The following DOHH variants were observed in gnomAD, a reference collection of about 807,000 sequenced individuals.
The protein encoded by DOHH is deoxyhypusine hydroxylase, also known as HEAT-like (PBS lyase) repeat containing 1.
A neutral mutation model predicts 19.9 loss-of-function variants in DOHH; 16 were observed. The observed-to-expected ratio is 0.80, with a 90% CI of 0.54 to 1.22. The LOEUF is 1.22. Ranked by LOEUF, DOHH falls within the 50% of genes most tolerant of loss-of-function variation. DOHH has a pLI of 0.00. For synonymous variants in DOHH, 233 were observed against 217.0 expected (o/e 1.07, Z -0.65); for missense variants, 460 against 460.6 (o/e 1.00, Z 0.01).
intron 1 of DOHH, among the ~76,000 whole-genome samples, chr19:3,498,578 T>A (rs1188294769): frequency 6.6e-6 from 1 of 152,104 alleles, no homozygotes. Context: ...GCTAATTTTG[T>A]ATTTTTAGTA....
At position 3,492,374 on chromosome 19, in the gene DOHH, C is replaced by A. The variant is rs373704209; in HGVS notation, c.477G>T (p.Gly159=). The part of the protein sequence containing the change: ...PAPPAEERDV[G]RLREALLDES... ...CATCCAGCAGCGCCTCCCGCAGGCGCCCCACGTCACGCTCCTCAGCCGGCG... is the reference window on the plus strand; with the variant it reads ...CATCCAGCAGCGCCTCCCGCAGGCGACCCACGTCACGCTCCTCAGCCGGCG... The change falls in exon 4 of 5, where the codon GGG becomes GGT. Residue 159 remains glycine (G), a synonymous_variant. Transcript: ENST00000427575. 7.2e-4 allele frequency: 1,109 copies of A among 1,539,048 alleles called. 2 individuals carry two copies. Among genetic ancestry groups the A allele is most frequent in the Middle Eastern group, 4.7e-3 (26 of 5,580 alleles).
At position 3,496,382 on chromosome 19, in the gene DOHH, C is replaced by T. The variant is rs1018876363; in HGVS notation, c.274+159G>A. On this transcript the variant is annotated intron_variant, in intron 2 of 4. Transcript: ENST00000427575. This position sits in a 1 kb window ranked among gnomAD's most constrained non-coding sequence, Gnocchi z 4.8. ...ATGACCTGCGCTGGCTTTATTGAGT[C>T]GCTGTCTGGCTGCAGAGCTGCAGGT... 6.6e-6 allele frequency among the ~76,000 whole-genome samples: 1 copy of T among 152,180 alleles called. No homozygotes were observed. Among genetic ancestry groups the T allele is most frequent in the Non-Finnish European group, 1.5e-5 (1 of 68,040 alleles).
Position 3,494,294 on chromosome 19 carries a change from G to C in DOHH, c.275-190C>G, listed in dbSNP as rs183784740. 5.3e-5 allele frequency among the ~76,000 whole-genome samples: 8 copies of C among 152,300 alleles called. No homozygotes were observed. In the East Asian group the frequency reaches 1.2e-3, roughly 22 times the overall value. On this transcript the variant is annotated intron_variant, in intron 2 of 4. Transcript: ENST00000427575. Reference sequence around the variant, plus strand: ...TGGACCAATCAGCATCCCCTCCCCAGAGCAAGGCACTGCCTGGAACCGCAC... The same window carrying C: ...TGGACCAATCAGCATCCCCTCCCCACAGCAAGGCACTGCCTGGAACCGCAC...
rs1201730288 is a variant in DOHH, at chr19:3,496,978, C to T, written c.-72-92G>A. 1.4e-5 allele frequency: 12 copies of T among 832,184 alleles called. No individual in the cohort carries two copies. Among genetic ancestry groups the T allele is most frequent in the Non-Finnish European group, 2.0e-5 (12 of 607,286 alleles). 51.5% of individuals were successfully genotyped at this position (832,184 alleles called of 1,614,324 possible). A position where few individuals can be genotyped will look rare whatever the true frequency, so the allele number is the denominator to read the frequency against. ...CCTGGGTGGGGCAAATTCCTACCCACTGACCAACCTGAGCATCTACGCTGA... is the reference window on the plus strand; with the variant it reads ...CCTGGGTGGGGCAAATTCCTACCCATTGACCAACCTGAGCATCTACGCTGA... On this transcript the variant is annotated intron_variant, in intron 1 of 4. Coordinates refer to ENST00000427575, the MANE Select transcript of DOHH (RefSeq NM_001145165.2). The surrounding 1 kb of genome is among the most constrained non-coding windows in gnomAD (Gnocchi z 4.8).
chr19:3,494,836 C>T (rs1254814367), intron 2 of DOHH, among the ~76,000 whole-genome samples: 1 of 152,258 alleles, frequency 6.6e-6, no homozygotes, highest in African/African-American at 2.4e-5. Context: ...TGCGCCAACA[C>T]AGGCTCTGTG....
intron 1 of DOHH, among the ~76,000 whole-genome samples, chr19:3,499,839 A>G (rs1033121011): frequency 1.3e-5 from 2 of 152,192 alleles, no homozygotes; most frequent in East Asian, 3.8e-4. Context: ...AGCATTTGCT[A>G]CGCGCCAGGC....
chr19:3,493,265 G>A (rs1030557784), intron 3 of DOHH, among the ~76,000 whole-genome samples: 1 of 152,348 alleles, frequency 6.6e-6, no homozygotes, highest in South Asian at 2.1e-4. Flanking sequence ...CAGCCTGGGC[G>A]ACAGAGCGGG....
chr19:3,495,904 G>T (rs770458077), intron 2 of DOHH, among the ~76,000 whole-genome samples: 4 of 152,170 alleles, frequency 2.6e-5, no homozygotes, highest in African/African-American at 9.7e-5. Flanking sequence ...GTGAGACTCT[G>T]ACTCAAAACA....
intron 1 of DOHH, among the ~76,000 whole-genome samples, chr19:3,497,439 CA>C (rs1403299191): frequency 6.6e-6 from 1 of 152,164 alleles, no homozygotes; most frequent in African/African-American, 2.4e-5. Flanking sequence ...GCCCTCCCAC[CA>C]ACAGCCATGT....
At chr19:3,495,359 C>T (rs948715881) in intron 2 of DOHH, among the ~76,000 whole-genome samples, 9 of 152,192 alleles carry the variant, frequency 5.9e-5, no homozygotes, top group African/African-American at 1.9e-4. Flanking sequence ...TAACTGCAGC[C>T]TCAACCTCCC....
intron 2 of DOHH, among the ~76,000 whole-genome samples, chr19:3,494,460 T>C (rs889211686): frequency 1.3e-5 from 2 of 152,050 alleles, no homozygotes; most frequent in African/African-American, 4.8e-5. Context: ...TGAGCTATGA[T>C]CACACCACTG....
intron 2 of DOHH, among the ~76,000 whole-genome samples, chr19:3,495,676 G>A (rs1378563683): frequency 6.6e-6 from 1 of 152,136 alleles, no homozygotes; most frequent in South Asian, 2.1e-4. Flanking sequence ...TTGGGAGGCC[G>A]AGGCAGGTGG....
In DOHH at chr19:3,492,285, T is replaced by C; in HGVS notation, c.566A>G (p.Glu189Gly). 2 of 1,499,636 alleles carry C rather than the reference T, an allele frequency of 1.3e-6. No individual in the cohort carries two copies. Among genetic ancestry groups the C allele is most frequent in the Admixed American group, 2.2e-5 (1 of 44,952 alleles). The allele number at this position is 1,499,636 out of a possible 1,614,324, so 92.9% of individuals were successfully genotyped here. A position where few individuals can be genotyped will look rare whatever the true frequency, so the allele number is the denominator to read the frequency against. The change falls in exon 4 of 5, where the codon GAG (glutamate) becomes GGG (glycine). Residue 189 changes from glutamate (E) to glycine (G), a missense_variant. By Grantham distance (98) the Glu-to-Gly change is moderately conservative. Transcript: ENST00000427575. ...MFALRNAGGE[E>G]AALALAEGLH... is the part of the protein sequence containing the mutation. ...ACCCTCGGCCAGCGCCAGGGCGGCCTCCTCGCCTCCCGCGTTGCGCAGGGC... is the reference window on the plus strand; with the variant it reads ...ACCCTCGGCCAGCGCCAGGGCGGCCCCCTCGCCTCCCGCGTTGCGCAGGGC...
Position 3,492,454 on chromosome 19 carries a change from G to T in DOHH, c.397C>A (p.Gln133Lys). ...GCCGCCGGCTCCCCGCCGTGCTGCT[G>T]CAGCCACTCCAGCCTGCGCACGGCC... ...QLAVRRLEWLQQHGGEPAAGP... is the reference protein window; with the variant it reads ...QLAVRRLEWLKQHGGEPAAGP... The change falls in exon 4 of 5, where the codon CAG becomes AAG. Residue 133 changes from glutamine (Q) to lysine (K), a missense_variant. Coordinates refer to ENST00000427575, the MANE Select transcript of DOHH (RefSeq NM_001145165.2). 1 of 1,464,618 alleles carries T rather than the reference G, an allele frequency of 6.8e-7. No individual in the cohort carries two copies. The highest frequency in any genetic ancestry group is 9.0e-7 in the Non-Finnish European group (1 of 1,114,356). The allele number at this position is 1,464,618 out of a possible 1,614,324, so 90.7% of individuals were successfully genotyped here.
Position 3,492,318 on chromosome 19 carries a change from G to T in DOHH, c.533C>A (p.Ala178Asp), listed in dbSNP as rs1364026686. 2 of 1,543,312 alleles carry T rather than the reference G, an allele frequency of 1.3e-6. No individual in the cohort carries two copies. The highest frequency in any genetic ancestry group is 8.7e-7 in the Non-Finnish European group (1 of 1,152,774). Residue 178 changes from alanine to aspartate, a missense_variant, in exon 4 of 5, where the codon GCC becomes GAC. Transcript: ENST00000427575. ...ESRPLFERYR[A>D]MFALRNAGGE... The stretch of plus-strand genomic sequence containing the variant: ...TCCCGCGTTGCGCAGGGCGAACATG[G>T]CGCGGTATCGCTCGAAGAGCGGCCG...
chr19:3,491,142 CCCTCGCGATCCTCCCCTGGCTT>C lies in DOHH; in HGVS notation c.*328_*349del. ...TTCCCTCGCGATCCTCCCCTGGCTT[CCCTCGCGATCCTCCCCTGGCTT>C]CCCTCGCGATCCTCCCCTGGCTTCC... On this transcript the variant is annotated 3_prime_UTR_variant, in exon 5 of 5. Coordinates refer to ENST00000427575, the MANE Select transcript of DOHH (RefSeq NM_001145165.2). This position sits in a 1 kb window ranked among gnomAD's most constrained non-coding sequence, Gnocchi z 5.6. 2 of 370,382 alleles carry C rather than the reference CCCTCGCGATCCTCCCCTGGCTT, an allele frequency of 5.4e-6. No individual in the cohort carries two copies. The highest frequency in any genetic ancestry group is 4.4e-5 in the African/African-American group (2 of 45,434). The allele number at this position is 370,382 out of a possible 1,614,324, so 22.9% of individuals were successfully genotyped here. A position where few individuals can be genotyped will look rare whatever the true frequency, so the allele number is the denominator to read the frequency against.
chr19:3,494,364 C>CA (rs1247241827), intron 2 of DOHH, among the ~76,000 whole-genome samples: 1 of 152,188 alleles, frequency 6.6e-6, no homozygotes, highest in Non-Finnish European at 1.5e-5. Context: ...CGGCCCGTAC[C>CA]ATGAGACAGG....
Position 3,496,447 on chromosome 19 carries a change from G to C in DOHH, c.274+94C>G. On this transcript the variant is annotated intron_variant, in intron 2 of 4. Transcript: ENST00000427575. The surrounding 1 kb of genome is among the most constrained non-coding windows in gnomAD (Gnocchi z 4.8). ...GCTCTATGGGGCAGTTGACCACTCT[G>C]ATATTTATCACCTGAGTGAGGAAGG... 6.5e-7 allele frequency: 1 copy of C among 1,527,396 alleles called. No individual in the cohort carries two copies. Among genetic ancestry groups the C allele is most frequent in the Non-Finnish European group, 8.8e-7 (1 of 1,135,266 alleles). 94.6% of individuals were successfully genotyped at this position (1,527,396 alleles called of 1,614,324 possible). A position where few individuals can be genotyped will look rare whatever the true frequency, so the allele number is the denominator to read the frequency against.
intron 1 of DOHH, among the ~76,000 whole-genome samples, 190 bp from the exon 2 acceptor site, chr19:3,497,076 C>T (rs1177098743): frequency 6.6e-6 from 1 of 152,230 alleles, no homozygotes; most frequent in East Asian, 1.9e-4. Context: ...GCCTCAGTCT[C>T]TGCACTGCCT....
Sources: allele counts gnomAD v4.1 joint callset (sites outside exome capture counted in the v4.1 genomes callset), GRCh38; gene constraint gnomAD v4.1.1; non-coding constraint Gnocchi (gnomAD v3.1); transcripts MANE v1.5; gene names NCBI Gene and HGNC (gene_info 2026-07-23, HGNC 2026-07-21).